The following DLG1 variants were observed in gnomAD, a reference collection of about 807,000 sequenced individuals.
The protein encoded by DLG1 is disks large homolog 1.
DLG1 carries 42 observed loss-of-function variants against 123.4 expected under a neutral mutation model. That is an observed-to-expected ratio of 0.34 (90% CI 0.27 to 0.44). The LOEUF (loss-of-function observed/expected upper bound fraction) is 0.44. Ranked by LOEUF, DLG1 falls within the 20% of genes least tolerant of loss-of-function variation. DLG1 has a pLI of 1.00. For missense variants in DLG1, 942 were observed against 1,082.6 expected (o/e 0.87, Z 1.82); for synonymous variants, 317 against 356.2 (o/e 0.89, Z 1.24).
intron 13 of DLG1, among the ~76,000 whole-genome samples, chr3:197,114,374 G>A (rs774706866): frequency 1.3e-5 from 2 of 152,106 alleles, no homozygotes; most frequent in South Asian, 2.1e-4. Flanking sequence ...AGTCACCTAC[G>A]AACAAGACAG....
At chr3:197,282,493 C>A (rs569774308) in intron 4 of DLG1, 186 bp downstream of exon 4, 12 of 385,342 alleles carry the variant, frequency 3.1e-5, no homozygotes, top group African/African-American at 1.5e-4. Context: ...AAAACAGGGG[C>A]AACAGAGAAT....
chr3:197,185,177 T>C (rs1303524809), intron 5 of DLG1, among the ~76,000 whole-genome samples: 1 of 152,224 alleles, frequency 6.6e-6, no homozygotes, highest in Non-Finnish European at 1.5e-5. Flanking sequence ...TAAGAGCATA[T>C]CGTAAGTCCC....
chr3:197,069,391 GA>G lies in DLG1; in HGVS notation c.2006-132del, dbSNP rs1742035731. Reference sequence around the variant, plus strand: ...TTTTAAAAGCATTTTCTTTTTCTTTGAAACGTTTAAGTTTTTCAAATAATAA... The same window carrying G: ...TTTTAAAAGCATTTTCTTTTTCTTTGAACGTTTAAGTTTTTCAAATAATAA... On this transcript the variant is annotated intron_variant, in intron 18 of 24. Transcript: ENST00000667157. 11 of 517,812 alleles carry G rather than the reference GA, an allele frequency of 2.1e-5. No homozygotes were observed. In the East Asian group the frequency reaches 3.8e-4, roughly 18 times the overall value. The allele number at this position is 517,812 out of a possible 1,614,324, so 32.1% of individuals were successfully genotyped here.
intron 22 of DLG1, among the ~76,000 whole-genome samples, chr3:197,064,815 CTTTTT>C (rs1331824547): frequency 3.4e-5 from 5 of 149,198 alleles, no homozygotes; most frequent in East Asian, 3.9e-4. Context: ...CTTTTTTTTT[CTTTTT>C]TTAAGAGCCA....
chr3:197,289,349 C>CACACAG (rs72287756), intron 3 of DLG1, among the ~76,000 whole-genome samples: 4 of 150,868 alleles, frequency 2.7e-5, no homozygotes, highest in African/African-American at 9.9e-5. Context: ...CATACACACA[C>CACACAG]ACACACACAC....
chr3:197,102,505 G>A (rs1052311455), intron 14 of DLG1, among the ~76,000 whole-genome samples: 14 of 152,318 alleles, frequency 9.2e-5, no homozygotes, highest in African/African-American at 3.1e-4. Context: ...TTGTGTGTGC[G>A]TGTAGCTAAC....
Position 197,170,298 on chromosome 3 carries a change from T to C in DLG1, c.484-20502A>G, listed in dbSNP as rs546810721. ...CCAGTAATAGGATTGCTGGGTTGAA[T>C]TGTATTTCTGTTTTTAGGTCTCTGA... On this transcript the variant is annotated intron_variant, in intron 5 of 24. Coordinates refer to ENST00000667157, the MANE Select transcript of DLG1 (RefSeq NM_001366207.1). Among the ~76,000 whole-genome samples the C allele has an allele frequency of 2.0e-4, 30 of 152,286 alleles. 1 individual carries two copies. Among genetic ancestry groups the C allele is most frequent in the African/African-American group, 5.8e-4 (24 of 41,518 alleles).
intron 18 of DLG1, among the ~76,000 whole-genome samples, chr3:197,076,225 A>T (rs1328997842): frequency 6.6e-6 from 1 of 152,238 alleles, no homozygotes; most frequent in Non-Finnish European, 1.5e-5. Flanking sequence ...GCCATGTTAT[A>T]CCTAGAAATC....
At chr3:197,145,055 T>TCACACACA (rs34377415) in intron 6 of DLG1, among the ~76,000 whole-genome samples, 32 of 148,744 alleles carry the variant, frequency 2.2e-4, no homozygotes, top group African/African-American at 5.2e-4. Flanking sequence ...TCTCTCTCTC[T>TCACACACA]CACACACACA....
chr3:197,143,908 A>G (rs1004880450), intron 6 of DLG1, among the ~76,000 whole-genome samples: 1 of 152,194 alleles, frequency 6.6e-6, no homozygotes, highest in African/African-American at 2.4e-5. Flanking sequence ...TCTCTCCTGA[A>G]AGAAGTTAAC....
In DLG1 at chr3:197,090,922, G is replaced by C; in HGVS notation, c.1651C>G (p.Leu551Val). 1 of 1,599,916 alleles carries C rather than the reference G, an allele frequency of 6.3e-7. No individual in the cohort carries two copies. The highest frequency in any genetic ancestry group is 8.5e-7 in the Non-Finnish European group (1 of 1,170,044). Residue 551 changes from leucine to valine, a missense_variant, in exon 15 of 25, where the codon CTC (leucine) becomes GTC (valine). Leu to Val is a conservative substitution (Grantham distance 32). Coordinates refer to ENST00000667157, the MANE Select transcript of DLG1 (RefSeq NM_001366207.1). ...GSLRTSQKRS[L>V]YVRALFDYDK... ...AGTAAAAAAATTTACCTGACATAGAGGGATCGCTTCTGGCTAGTTCGAAGA... is the reference window on the plus strand; with the variant it reads ...AGTAAAAAAATTTACCTGACATAGACGGATCGCTTCTGGCTAGTTCGAAGA...
chr3:197,101,860 T>C (rs1763654097), intron 14 of DLG1, among the ~76,000 whole-genome samples: 1 of 152,122 alleles, frequency 6.6e-6, no homozygotes, highest in African/African-American at 2.4e-5. Context: ...GGTGAGATCA[T>C]AGCAATCCTG....
intron 24 of DLG1, among the ~76,000 whole-genome samples, chr3:197,047,415 A>T (rs903232148): frequency 6.6e-6 from 1 of 152,222 alleles, no homozygotes; most frequent in East Asian, 1.9e-4. Context: ...AGTTTGAAAA[A>T]AATAAGAAAG....
At chr3:197,167,493 G>GTATA (rs1802026259) in intron 5 of DLG1, among the ~76,000 whole-genome samples, 3 of 152,154 alleles carry the variant, frequency 2.0e-5, no homozygotes, top group African/African-American at 7.2e-5. Flanking sequence ...CATATATCAT[G>GTATA]TGATAAAATG....
At chr3:197,136,803 T>C (rs1785247250) in intron 9 of DLG1, 125 bp from the exon 10 acceptor site, 3 of 787,872 alleles carry the variant, frequency 3.8e-6, no homozygotes, top group Non-Finnish European at 5.8e-6. Flanking sequence ...AAAGAATCTA[T>C]TTAGTTATCT....
chr3:197,082,986 G>A (rs1752127479), intron 16 of DLG1, among the ~76,000 whole-genome samples: 1 of 152,192 alleles, frequency 6.6e-6, no homozygotes, highest in South Asian at 2.1e-4. Context: ...CTCTGACCTT[G>A]ATATTTAAGA....
At chr3:197,238,904 T>C (rs1334033440) in intron 4 of DLG1, among the ~76,000 whole-genome samples, 1 of 151,946 alleles carries the variant, frequency 6.6e-6, no homozygotes, top group Non-Finnish European at 1.5e-5. Flanking sequence ...ATCAAGAACC[T>C]AGTCTAAAAC....
chr3:197,100,572 T>C (rs1023345935), intron 14 of DLG1, among the ~76,000 whole-genome samples: 3 of 152,210 alleles, frequency 2.0e-5, no homozygotes, highest in Non-Finnish European at 2.9e-5. Context: ...GATTGAGATA[T>C]AAGCTCTGAA....
intron 4 of DLG1, among the ~76,000 whole-genome samples, chr3:197,281,222 T>G (rs2151142300): frequency 6.6e-6 from 1 of 152,234 alleles, no homozygotes; most frequent in African/African-American, 2.4e-5. Context: ...ATTTTAGACG[T>G]GAGACGTGGT....
Sources: gnomAD v4.1 joint callset for allele counts (sites outside exome capture counted in the v4.1 genomes callset) on GRCh38, gnomAD v4.1.1 for gene constraint, MANE v1.5 for transcripts, NCBI Gene and HGNC (gene_info 2026-07-23, HGNC 2026-07-21) for gene names.